LASP1: variants seen among roughly 807,000 people sequenced by gnomAD.
The protein encoded by LASP1 is LIM and SH3 protein 1, also known as LIM and SH3 domain protein 1.
Under a neutral mutation model 38.6 loss-of-function variants are expected in LASP1, and 10 were observed. That is an observed-to-expected ratio of 0.26 (90% CI 0.16 to 0.44). The LOEUF is 0.44. Ranked by LOEUF, LASP1 falls within the 20% of genes least tolerant of loss-of-function variation. LASP1 has a pLI of 1.00. For synonymous variants in LASP1, 132 were observed against 140.8 expected, an observed-to-expected ratio of 0.94 and a Z score of 0.44; for missense variants, 243 against 375.7, an observed-to-expected ratio of 0.65 and a Z score of 2.92.
intron 4 of LASP1, among the ~76,000 whole-genome samples, chr17:38,909,729 T>C (rs1914877104): frequency 3.6e-5 from 1 of 27,894 alleles, no homozygotes; most frequent in South Asian, 1.3e-3. Flanking sequence ...CTTTTTCATC[T>C]CATTCATTCA....
intron 4 of LASP1, among the ~76,000 whole-genome samples, chr17:38,912,349 C>T (rs1361790919): frequency 1.3e-5 from 2 of 152,070 alleles, no homozygotes; most frequent in Non-Finnish European, 2.9e-5. Flanking sequence ...GCAAGGGTGC[C>T]GCAGGGTCAG....
intron 4 of LASP1, among the ~76,000 whole-genome samples, chr17:38,912,594 G>T (rs767327314): frequency 2.6e-5 from 4 of 152,196 alleles, no homozygotes; most frequent in Non-Finnish European, 5.9e-5. Flanking sequence ...CTGTCTTTGG[G>T]AGTCTGGCAC....
chr17:38,906,014 C>T (rs987254870), intron 4 of LASP1, among the ~76,000 whole-genome samples: 9 of 152,118 alleles, frequency 5.9e-5, no homozygotes, highest in African/African-American at 1.9e-4. Flanking sequence ...GAGCCATGAT[C>T]ACGCCACCGC....
intron 4 of LASP1, among the ~76,000 whole-genome samples, chr17:38,911,306 AG>A (rs1914935551): frequency 6.6e-6 from 1 of 152,144 alleles, no homozygotes; most frequent in South Asian, 2.1e-4. Context: ...GAAGGATGAG[AG>A]AAGCCTGGAC....
In LASP1 at chr17:38,919,930, G is replaced by A; in HGVS notation, c.*1152G>A. ...TGTCTGTAGGTGTCTCTGGGCCTGT[G>A]TGTGGGTGGGGTTATGTGAGGGTAT... On this transcript the variant is annotated 3_prime_UTR_variant, in exon 7 of 7. Transcript: ENST00000318008. 1 of 531,754 alleles carries A rather than the reference G, an allele frequency of 1.9e-6. No individual in the cohort carries two copies. Among genetic ancestry groups the A allele is most frequent in the Non-Finnish European group, 3.6e-6 (1 of 274,658 alleles). The allele number at this position is 531,754 out of a possible 1,614,324, so 32.9% of individuals were successfully genotyped here.
chr17:38,907,733 G>A (rs377246388), intron 4 of LASP1, among the ~76,000 whole-genome samples: 8 of 152,192 alleles, frequency 5.3e-5, no homozygotes, highest in Non-Finnish European at 1.0e-4. Flanking sequence ...TCAGCCAGCC[G>A]TAACTTTAGA....
chr17:38,878,554 G>C (rs1332783465), intron 2 of LASP1, among the ~76,000 whole-genome samples: 1 of 152,174 alleles, frequency 6.6e-6, no homozygotes, highest in Non-Finnish European at 1.5e-5. Context: ...GGTCTTTCAA[G>C]AATGAGTGAC....
chr17:38,875,122 T>G (rs1913729032), intron 1 of LASP1, among the ~76,000 whole-genome samples: 1 of 146,280 alleles, frequency 6.8e-6, no homozygotes, highest in African/African-American at 2.5e-5. Flanking sequence ...TTCTGGAGAA[T>G]GTTTTTCCTG....
intron 6 of LASP1, among the ~76,000 whole-genome samples, chr17:38,917,964 C>T (rs1915180190): frequency 6.6e-6 from 1 of 152,030 alleles, no homozygotes; most frequent in African/African-American, 2.4e-5. Context: ...CATGATGAAA[C>T]CCTGTCTCTA....
intron 1 of LASP1, among the ~76,000 whole-genome samples, chr17:38,873,226 TCC>T (rs545450724): frequency 2.8e-3 from 425 of 152,076 alleles, no homozygotes; most frequent in Non-Finnish European, 5.1e-3. Flanking sequence ...GTCTCAGCGC[TCC>T]CTCCCCACTC....
chr17:38,879,579 C>A (rs985672800), intron 2 of LASP1, among the ~76,000 whole-genome samples: 13 of 90,628 alleles, frequency 1.4e-4, no homozygotes, highest in Non-Finnish European at 2.9e-4. Context: ...TTTTTTTTTT[C>A]TCTTAATTCT....
intron 2 of LASP1, among the ~76,000 whole-genome samples, chr17:38,879,205 G>C (rs566815996): frequency 1.4e-5 from 2 of 146,120 alleles, no homozygotes; most frequent in East Asian, 4.2e-4. Flanking sequence ...ACCCAGGTTG[G>C]AGTGCAGTGG....
Position 38,917,946 on chromosome 17 carries a change from G to A in LASP1, c.613-659G>A, listed in dbSNP as rs182888555. On this transcript the variant is annotated intron_variant, in intron 6 of 6. Transcript: ENST00000318008. ...TTGAGACCAGGAGTTTGAGACCATC[G>A]TAGCCAACATGATGAAACCCTGTCT... is the stretch of plus-strand genomic sequence containing the variant. 3.9e-4 allele frequency among the ~76,000 whole-genome samples: 60 copies of A among 152,000 alleles called. 1 individual carries two copies. The highest frequency in any genetic ancestry group is 3.5e-3 in the Admixed American group (54 of 15,268).
chr17:38,875,078 TGTGTGTGTGTGA>T (rs1234875999), intron 1 of LASP1, among the ~76,000 whole-genome samples: 5 of 148,464 alleles, frequency 3.4e-5, no homozygotes, highest in African/African-American at 7.5e-5. Context: ...TGTGTGTGTG[TGTGTGTGTGTGA>T]GAAAGTGGGT....
chr17:38,894,818 G>A (rs1914440412), intron 3 of LASP1, among the ~76,000 whole-genome samples: 1 of 151,938 alleles, frequency 6.6e-6, no homozygotes, highest in Admixed American at 6.6e-5. Context: ...GCTCATTGCA[G>A]CCTTGACTTC....
chr17:38,883,892 C>G (rs1914027213), intron 2 of LASP1, among the ~76,000 whole-genome samples: 1 of 151,896 alleles, frequency 6.6e-6, no homozygotes, highest in East Asian at 1.9e-4. Context: ...ACTTCAGCCC[C>G]TTAGGCCTGA....
chr17:38,882,885 G>T (rs1457809919), intron 2 of LASP1, among the ~76,000 whole-genome samples: 2 of 152,144 alleles, frequency 1.3e-5, no homozygotes. Context: ...CCTCTTCTCT[G>T]ACTGCACATA....
intron 2 of LASP1, among the ~76,000 whole-genome samples, chr17:38,889,875 G>A (rs1027701148): frequency 3.9e-5 from 6 of 152,238 alleles, no homozygotes; most frequent in South Asian, 2.1e-4. Flanking sequence ...CTTGTTAACC[G>A]TTTGAAATAC....
At chr17:38,914,578 G>A (rs1915055283) in intron 5 of LASP1, 103 bp downstream of exon 5, 1 of 1,380,808 alleles carries the variant, frequency 7.2e-7, no homozygotes, top group African/African-American at 1.5e-5. Flanking sequence ...CCGGAGCCTT[G>A]CTCTTAATCA....
Sources: allele counts gnomAD v4.1 joint callset (sites outside exome capture counted in the v4.1 genomes callset), GRCh38; gene constraint gnomAD v4.1.1; transcripts MANE v1.5; gene names NCBI Gene and HGNC (gene_info 2026-07-23, HGNC 2026-07-21).